The following THOC2 variants were observed in gnomAD, a reference collection of about 807,000 sequenced individuals.
THOC2 encodes THO complex subunit 2, also known as THO complex 2.
A neutral mutation model predicts 128.4 loss-of-function variants in THOC2; 10 were observed. The observed-to-expected ratio is 0.08, with a 90% CI of 0.05 to 0.13. The LOEUF (loss-of-function observed/expected upper bound fraction) is 0.13. Ranked by LOEUF, THOC2 falls within the 10% of genes least tolerant of loss-of-function variation. The pLI, the probability that THOC2 is intolerant of heterozygous loss-of-function variation, is 1.00. For missense variants in THOC2, 535 were observed against 1,155.7 expected, an observed-to-expected ratio of 0.46 and a Z score of 7.79; for synonymous variants, 393 against 396.9, an observed-to-expected ratio of 0.99 and a Z score of 0.12.
intron 8 of THOC2, among the ~76,000 whole-genome samples, chrX:123,675,526 A>G (rs1356323240): frequency 1.8e-5 from 2 of 109,933 alleles, no homozygotes; most frequent in African/African-American, 3.3e-5. Flanking sequence ...CTGTAGTCCC[A>G]GCTGTACTTA....
chrX:123,620,786 C>A, intron 32 of THOC2, 121 bp downstream of exon 32: 2 of 585,458 alleles, frequency 3.4e-6, no homozygotes, highest in Non-Finnish European at 5.2e-6. Context: ...TTTTCTAATG[C>A]AATATAAAAC....
intron 23 of THOC2, among the ~76,000 whole-genome samples, chrX:123,627,034 T>C (rs1420221843): frequency 8.9e-6 from 1 of 112,504 alleles, no homozygotes; most frequent in Non-Finnish European, 1.9e-5. Flanking sequence ...TTTAGCCTAA[T>C]GCTAGTCAAA....
intron 1 of THOC2, among the ~76,000 whole-genome samples, chrX:123,727,665 TG>T (rs1458634173): frequency 4.4e-5 from 5 of 112,416 alleles, no homozygotes; most frequent in Non-Finnish European, 9.4e-5. Flanking sequence ...AGAGCTCTCC[TG>T]GGCTCAGGCA....
At chrX:123,650,678 G>A (rs1258934932) in intron 12 of THOC2, among the ~76,000 whole-genome samples, 1 of 111,415 alleles carries the variant, frequency 9.0e-6, no homozygotes, top group East Asian at 2.8e-4. Flanking sequence ...TAAAACAGAC[G>A]TTAAAACAAC....
chrX:123,660,564 C>T (rs1000655343), intron 12 of THOC2, among the ~76,000 whole-genome samples: 4 of 112,011 alleles, frequency 3.6e-5, no homozygotes, highest in African/African-American at 9.7e-5. Context: ...GTTAACATCA[C>T]CAGCAATGGA....
intron 33 of THOC2, among the ~76,000 whole-genome samples, chrX:123,617,893 T>C (rs2046951873): frequency 8.9e-6 from 1 of 111,751 alleles, no homozygotes; most frequent in Admixed American, 9.5e-5. Flanking sequence ...ACCTACTATA[T>C]TGCAGTATAT....
chrX:123,709,442 T>A (rs2051088320), intron 2 of THOC2, among the ~76,000 whole-genome samples: 2 of 109,620 alleles, frequency 1.8e-5, no homozygotes, highest in African/African-American at 6.6e-5. Context: ...ATACAAAAAA[T>A]TAGCCGGGCG....
At chrX:123,671,347 C>A (rs1249455201) in intron 9 of THOC2, among the ~76,000 whole-genome samples, 1 of 111,803 alleles carries the variant, frequency 8.9e-6, no homozygotes, top group East Asian at 2.8e-4. Context: ...TTGGTTAGAA[C>A]TTGGCCTCTC....
chrX:123,603,633 A>G (rs2046364089), intron 38 of THOC2: 3 of 561,101 alleles, frequency 5.3e-6, no homozygotes, highest in Non-Finnish European at 9.4e-6. Flanking sequence ...GCAGATTCCC[A>G]TTAAATGGAC....
rs2050013615 is a variant in THOC2 at position 123,686,644 on chromosome X, G to A, written c.672C>T (p.His224=). ...ILEVFECRPE[H]DDFFISLLES... Reference sequence around the variant, plus strand: ...CTAACAAAGATATAAAGAAGTCATCGTGTTCTGGCCTGCATTCAAACACTT... The same window carrying A: ...CTAACAAAGATATAAAGAAGTCATCATGTTCTGGCCTGCATTCAAACACTT... The change falls in exon 8 of 39, where the codon CAC becomes CAT. Residue 224 remains histidine (H), a synonymous_variant. Transcript: ENST00000245838. 2.5e-6 allele frequency: 3 copies of A among 1,205,167 alleles called. No homozygotes were observed. The highest frequency in any genetic ancestry group is 1.8e-5 in the South Asian group (1 of 55,953).
intron 12 of THOC2, 43 bp downstream of exon 12, chrX:123,665,599 T>A: frequency 1.1e-6 from 1 of 941,949 alleles, no homozygotes; most frequent in Non-Finnish European, 1.4e-6. Flanking sequence ...ACTCAGAATA[T>A]TTTCATTTCA....
rs763463421 is a variant in THOC2 at position 123,606,595 on chromosome X, AAAATG to A, written c.*18+4318_*18+4322del. Among the ~76,000 whole-genome samples, 706 of 111,475 alleles carry A rather than the reference AAAATG, an allele frequency of 6.3e-3. 2 individuals are homozygous for A. Among genetic ancestry groups the A allele is most frequent in the Non-Finnish European group, 0.011 (563 of 53,021 alleles). On this transcript the variant is annotated intron_variant, in intron 38 of 38. Coordinates refer to ENST00000245838, the MANE Select transcript of THOC2 (RefSeq NM_001081550.2). ...GGTGACAGAGAGAGACTCTGTCTCA[AAAATG>A]AAATGAAATGAAATGAAATGAAAAA...
At chrX:123,677,949 C>T (rs2147842141) in intron 8 of THOC2, among the ~76,000 whole-genome samples, 1 of 110,272 alleles carries the variant, frequency 9.1e-6, no homozygotes, top group African/African-American at 3.3e-5. Flanking sequence ...CACACATGAG[C>T]CTAGGCCTAC....
chrX:123,649,470 G>C (rs1303784204), intron 12 of THOC2, among the ~76,000 whole-genome samples: 1 of 111,320 alleles, frequency 9.0e-6, no homozygotes, highest in African/African-American at 3.3e-5. Context: ...GGAATTGACA[G>C]AAGTAGGCTT....
intron 38 of THOC2, among the ~76,000 whole-genome samples, chrX:123,605,585 C>G (rs913898298): frequency 9.0e-6 from 1 of 110,659 alleles, no homozygotes; most frequent in African/African-American, 3.3e-5. Context: ...TATAGGTTCC[C>G]TTCCTATAAA....
At chrX:123,650,778 C>G (rs1394401842) in intron 12 of THOC2, among the ~76,000 whole-genome samples, 1 of 111,883 alleles carries the variant, frequency 8.9e-6, no homozygotes, top group Non-Finnish European at 1.9e-5. Context: ...TATATATGCG[C>G]CCAATACAGG....
intron 15 of THOC2, among the ~76,000 whole-genome samples, chrX:123,643,926 A>G (rs1203601795): frequency 8.9e-6 from 1 of 112,008 alleles, no homozygotes; most frequent in African/African-American, 3.2e-5. Context: ...TAAAAAAGGA[A>G]TGACAACTGA....
intron 1 of THOC2, among the ~76,000 whole-genome samples, chrX:123,725,521 A>T (rs1416870211): frequency 9.7e-6 from 1 of 102,724 alleles, no homozygotes; most frequent in Non-Finnish European, 2.0e-5. Context: ...TGGGAGGATC[A>T]CTTGAGCCTG....
chrX:123,719,605 A>C (rs2051596235), intron 1 of THOC2, among the ~76,000 whole-genome samples: 1 of 109,065 alleles, frequency 9.2e-6, no homozygotes, highest in African/African-American at 3.3e-5. Flanking sequence ...TCAAAAAAAA[A>C]AAATTAAAAA....
Sources: allele counts gnomAD v4.1 joint callset (sites outside exome capture counted in the v4.1 genomes callset), GRCh38; gene constraint gnomAD v4.1.1; transcripts MANE v1.5; gene names NCBI Gene and HGNC (gene_info 2026-07-23, HGNC 2026-07-21).